PUM3: variants seen among roughly 807,000 people sequenced by gnomAD.
PUM3 encodes the protein pumilio homolog 3.
In PUM3, 91 loss-of-function variants were observed where a neutral mutation model predicts 84.0. That is an observed-to-expected ratio of 1.08 (90% CI 0.91 to 1.29). The LOEUF (loss-of-function observed/expected upper bound fraction) is 1.29. Ranked by LOEUF, PUM3 falls within the 50% of genes most tolerant of loss-of-function variation. PUM3 has a pLI of 0.00. For missense variants in PUM3, 1,067 were observed against 767.5 expected (o/e 1.39, Z -4.61); for synonymous variants, 321 against 266.7 (o/e 1.20, Z -1.98).
chr9:2,826,807 G>A (rs185292693), intron 10 of PUM3, among the ~76,000 whole-genome samples: 23 of 152,152 alleles, frequency 1.5e-4, no homozygotes, highest in African/African-American at 5.5e-4. Flanking sequence ...TTCAGATTAG[G>A]TTAGCCAGCG....
chr9:2,819,985 T>C, intron 13 of PUM3, 33 bp downstream of exon 13: 1 of 1,407,190 alleles, frequency 7.1e-7, no homozygotes, highest in Non-Finnish European at 1.0e-6. Flanking sequence ...TTTATCGATG[T>C]AACTTAAATT....
At chr9:2,804,739 T>C (rs888773399) in intron 17 of PUM3, among the ~76,000 whole-genome samples, 8 of 152,192 alleles carry the variant, frequency 5.3e-5, no homozygotes, top group African/African-American at 1.9e-4. Context: ...CTTCACATTA[T>C]CTTAGGACTT....
At chr9:2,844,014 C>G (rs969711300) in intron 1 of PUM3, 31 bp downstream of exon 1, 1 of 154,462 alleles carries the variant, frequency 6.5e-6, no homozygotes, top group African/African-American at 2.4e-5. Flanking sequence ...GAACCCCTCC[C>G]AAGAGCGACC....
chr9:2,833,319 A>G lies in PUM3; in HGVS notation c.516+38T>C, dbSNP rs117975965. ...TACTCCTGAGAGTGAGGCAACTTCAACTGTTAAAAATTGCAACAATGAGTA... is the reference window on the plus strand; with the variant it reads ...TACTCCTGAGAGTGAGGCAACTTCAGCTGTTAAAAATTGCAACAATGAGTA... On this transcript the variant is annotated intron_variant, in intron 5 of 17. Transcript: ENST00000397885. 5,486 of 1,122,664 alleles carry G rather than the reference A, an allele frequency of 4.9e-3. 26 individuals carry two copies. Among genetic ancestry groups the G allele is most frequent in the Non-Finnish European group, 5.1e-3 (3,830 of 751,110 alleles). The allele number at this position is 1,122,664 out of a possible 1,614,324, so 69.5% of individuals were successfully genotyped here.
Position 2,824,737 on chromosome 9 carries a change from GGCAGT to G in PUM3, c.1109_1113del (p.His370ProfsTer21). 1 of 1,562,502 alleles carries G rather than the reference GGCAGT, an allele frequency of 6.4e-7. No individual in the cohort carries two copies. ...CTTACCTTGGGCGTGCCATGCCACA[GGCAGT>G]GCATGGCCACTCTGGCGCCATCGTG... On this transcript the variant is annotated frameshift_variant, in exon 11 of 18. Transcript: ENST00000397885. LOFTEE classifies it high-confidence loss of function.
Position 2,804,189 on chromosome 9 carries a change from A to C in PUM3, c.*142T>G. ...ACCATTTAAAAAAACAATTTATATA[A>C]ATAGATTCGTATACAAAGAAGAAAC... On this transcript the variant is annotated 3_prime_UTR_variant, in exon 18 of 18. Transcript: ENST00000397885. The C allele has an allele frequency of 1.3e-6, 1 of 744,382 alleles. No homozygotes were observed. Among genetic ancestry groups the C allele is most frequent in the Non-Finnish European group, 2.0e-6 (1 of 493,752 alleles). 46.1% of individuals were successfully genotyped at this position (744,382 alleles called of 1,614,324 possible). A position where few individuals can be genotyped will look rare whatever the true frequency, so the allele number is the denominator to read the frequency against.
In PUM3 at chr9:2,825,683, T is replaced by C. The variant is rs1329639683; in HGVS notation, c.1036-868A>G. Among the ~76,000 whole-genome samples the C allele has an allele frequency of 2.0e-5, 3 of 152,178 alleles. No homozygotes were observed. In the East Asian group the frequency reaches 5.8e-4, roughly 29 times the overall value. On this transcript the variant is annotated intron_variant, in intron 10 of 17. Coordinates refer to ENST00000397885, the MANE Select transcript of PUM3 (RefSeq NM_014878.5). ...TTTTAGTAGAGACTGGGTTTCACCA[T>C]ATTGGCCAGGCTGGTCTCGAACTAC...
chr9:2,810,782 A>G (rs753062269), intron 15 of PUM3, among the ~76,000 whole-genome samples: 4 of 152,236 alleles, frequency 2.6e-5, no homozygotes, highest in Admixed American at 6.5e-5. Flanking sequence ...ATAAACCTAC[A>G]GGACAGAACA....
chr9:2,820,088 G>T lies in PUM3; in HGVS notation c.1199C>A (p.Ser400Tyr). Residue 400 changes from serine (S) to tyrosine (Y), a missense_variant, in exon 13 of 18, where the codon TCC becomes TAC. Coordinates refer to ENST00000397885, the MANE Select transcript of PUM3 (RefSeq NM_014878.5). ...YVEKVANGQY[S>Y]HLVLLAAFDC... ...AAATGCCGCCAGTAAAACCAAATGG[G>T]AGTATTGGCCCTGCAAGAATTGGAA... The T allele has an allele frequency of 1.2e-6, 2 of 1,609,704 alleles. No homozygotes were observed. Among genetic ancestry groups the T allele is most frequent in the Non-Finnish European group, 8.5e-7 (1 of 1,176,782 alleles).
intron 11 of PUM3, among the ~76,000 whole-genome samples, chr9:2,824,467 G>A (rs1815751981): frequency 6.6e-6 from 1 of 152,148 alleles, no homozygotes; most frequent in Non-Finnish European, 1.5e-5. Context: ...ATGTTTACTT[G>A]CTTGATAGAT....
intron 5 of PUM3, 131 bp from the exon 6 acceptor site, chr9:2,831,475 T>A: frequency 1.6e-6 from 1 of 638,182 alleles, no homozygotes; most frequent in Non-Finnish European, 2.8e-6. Context: ...AAACCTAGAT[T>A]ACTGAGAACT....
At chr9:2,827,201 G>C (rs1359319194) in intron 9 of PUM3, 50 bp from the exon 10 acceptor site, 1 of 1,301,266 alleles carries the variant, frequency 7.7e-7, no homozygotes, top group Non-Finnish European at 1.1e-6. Context: ...TGGCACTACA[G>C]TCATACAAAG....
chr9:2,819,922 C>T (rs1821552081), intron 13 of PUM3, 96 bp downstream of exon 13: 1 of 706,262 alleles, frequency 1.4e-6, no homozygotes, highest in Non-Finnish European at 2.5e-6. Context: ...GAAGGCACAG[C>T]TGCAAGTCTT....
rs1448777459 is a variant in PUM3 at position 2,827,250 on chromosome 9, G to GA, written c.957-100dup. 13 of 759,984 alleles carry GA rather than the reference G, an allele frequency of 1.7e-5. No homozygotes were observed. The African/African-American group carries it at 2.4e-4, about 14-fold the overall frequency. The allele number at this position is 759,984 out of a possible 1,614,324, so 47.1% of individuals were successfully genotyped here. ...AAGTCCTAAAGTAATCTAAACAAGTGAAATGGTTTTACTGAATACAATTTG... is the reference window on the plus strand; with the variant it reads ...AAGTCCTAAAGTAATCTAAACAAGTGAAAATGGTTTTACTGAATACAATTTG... On this transcript the variant is annotated intron_variant, in intron 9 of 17. Coordinates refer to ENST00000397885, the MANE Select transcript of PUM3 (RefSeq NM_014878.5).
chr9:2,812,378 C>CAA lies in PUM3; in HGVS notation c.1270-18_1270-17dup. 1 of 1,471,468 alleles carries CAA rather than the reference C, an allele frequency of 6.8e-7. No homozygotes were observed. The allele number at this position is 1,471,468 out of a possible 1,614,324, so 91.2% of individuals were successfully genotyped here. On this transcript the variant is annotated splice_polypyrimidine_tract_variant and intron_variant, in intron 13 of 17. Transcript: ENST00000397885. The stretch of plus-strand genomic sequence containing the variant: ...TGATAATTTCCTATAAAATTATAAA[C>CAA]AAAAAAAAAGAATCAATATCTGCAT...
intron 13 of PUM3, 101 bp downstream of exon 13, chr9:2,819,917 C>T: frequency 1.5e-6 from 1 of 650,452 alleles, no homozygotes; most frequent in Non-Finnish European, 2.7e-6. Context: ...TGATAGAAGG[C>T]ACAGCTGCAA....
rs1815956989 is a variant in PUM3 at position 2,830,864 on chromosome 9, T to C, written c.677+98A>G. On this transcript the variant is annotated intron_variant, in intron 7 of 17. Transcript: ENST00000397885. ...TGCTGAGAGCCATTACTATTACTTA[T>C]AAAGACCACAGACTTCCTATCTCGC... 4 of 674,660 alleles carry C rather than the reference T, an allele frequency of 5.9e-6. No homozygotes were observed. In the Admixed American group the frequency reaches 8.7e-5, roughly 15 times the overall value. The allele number at this position is 674,660 out of a possible 1,614,324, so 41.8% of individuals were successfully genotyped here.
At chr9:2,831,953 C>T (rs925456495) in intron 5 of PUM3, among the ~76,000 whole-genome samples, 1 of 152,090 alleles carries the variant, frequency 6.6e-6, no homozygotes, top group African/African-American at 2.4e-5. Flanking sequence ...TTCTCTAACC[C>T]ATTCCTCCTC....
chr9:2,829,937 T>G lies in PUM3; in HGVS notation c.689A>C (p.Gln230Pro). Residue 230 changes from glutamine (Q) to proline (P), a missense_variant, in exon 8 of 18, where the codon CAG becomes CCG. Coordinates refer to ENST00000397885, the MANE Select transcript of PUM3 (RefSeq NM_014878.5). ...KKFLMYGSKPQIAEIIRSFKG... is the reference protein window; with the variant it reads ...KKFLMYGSKPPIAEIIRSFKG... ...AAAACTTCTGATTATCTCTGCAATC[T>G]GTGGTTTACTTCTAAACGCAACACA... 1 of 1,611,930 alleles carries G rather than the reference T, an allele frequency of 6.2e-7. No homozygotes were observed. The highest frequency in any genetic ancestry group is 8.5e-7 in the Non-Finnish European group (1 of 1,178,562).
Sources: allele counts gnomAD v4.1 joint callset (sites outside exome capture counted in the v4.1 genomes callset), GRCh38; gene constraint gnomAD v4.1.1; transcripts MANE v1.5; gene names NCBI Gene and HGNC (gene_info 2026-07-23, HGNC 2026-07-21).